CCBE1: variants seen among roughly 807,000 people sequenced by gnomAD.
CCBE1 encodes collagen and calcium-binding EGF domain-containing protein 1.
In CCBE1, 37 loss-of-function variants were observed where a neutral mutation model predicts 50.0. The observed-to-expected ratio is 0.74, with a 90% CI of 0.57 to 0.97. The LOEUF is 0.97. Ranked by LOEUF, CCBE1 falls within the 50% of genes least tolerant of loss-of-function variation. The pLI, the probability that CCBE1 is intolerant of heterozygous loss-of-function variation, is 0.00. For synonymous variants in CCBE1, 234 were observed against 203.7 expected (o/e 1.15, Z -1.27); for missense variants, 538 against 523.8 (o/e 1.03, Z -0.26).
rs1183110770 is a variant in CCBE1 at position 59,688,757 on chromosome 18, T to C, written c.212+7872A>G. ...AGTTCCAGCTCAACAAAAACTATGA[T>C]TCCTGGAGATCAGAAAACCAAGTGA... On this transcript the variant is annotated intron_variant, in intron 2 of 10. Transcript: ENST00000439986. Among the ~76,000 whole-genome samples the C allele has an allele frequency of 2.6e-5, 4 of 152,214 alleles. 1 individual carries two copies. The South Asian group carries it at 6.2e-4, about 24-fold the overall frequency.
intron 2 of CCBE1, among the ~76,000 whole-genome samples, chr18:59,664,589 G>T (rs2054327520): frequency 6.6e-6 from 1 of 152,184 alleles, no homozygotes; most frequent in African/African-American, 2.4e-5. Flanking sequence ...AAACCCTTTA[G>T]TCATGTCCAC....
At chr18:59,656,557 C>T (rs193232514) in intron 2 of CCBE1, among the ~76,000 whole-genome samples, 275 of 152,286 alleles carry the variant, frequency 1.8e-3, no homozygotes, top group African/African-American at 6.4e-3. Context: ...TTAAGGACGC[C>T]ACTCTGAGAA....
chr18:59,584,328 C>T lies in CCBE1; in HGVS notation c.213-104090G>A, dbSNP rs532055088. Among the ~76,000 whole-genome samples the T allele has an allele frequency of 4.4e-5, 6 of 135,420 alleles. No homozygotes were observed. In the East Asian group the frequency reaches 1.3e-3, roughly 30 times the overall value. The allele number at this position is 135,420 out of a possible 152,430, so 88.8% of individuals were successfully genotyped here. A position where few individuals can be genotyped will look rare whatever the true frequency, so the allele number is the denominator to read the frequency against. Reference sequence around the variant, plus strand: ...GAACACATGGACACAGGAAAGGGAACATCACACTCTGGGGACTGTTGTGGG... The same window carrying T: ...GAACACATGGACACAGGAAAGGGAATATCACACTCTGGGGACTGTTGTGGG... On this transcript the variant is annotated intron_variant, in intron 2 of 10. Transcript: ENST00000439986.
chr18:59,551,990 A>C (rs72966142), intron 2 of CCBE1, among the ~76,000 whole-genome samples: 12,349 of 152,254 alleles, frequency 0.081, 520 homozygotes, highest in Admixed American at 0.11. Flanking sequence ...TGGGCAACGC[A>C]CGCCTTGGCC....
intron 2 of CCBE1, among the ~76,000 whole-genome samples, chr18:59,565,611 G>A (rs2052811725): frequency 6.6e-6 from 1 of 152,036 alleles, no homozygotes; most frequent in Admixed American, 6.5e-5. Context: ...TGAACCTATG[G>A]GACACCTCAT....
At chr18:59,472,893 G>A (rs979440189) in intron 3 of CCBE1, among the ~76,000 whole-genome samples, 1 of 152,198 alleles carries the variant, frequency 6.6e-6, no homozygotes, top group African/African-American at 2.4e-5. Context: ...TTACATGGTG[G>A]CAGACAAGAG....
intron 2 of CCBE1, among the ~76,000 whole-genome samples, chr18:59,642,175 C>G (rs2053999342): frequency 6.6e-6 from 1 of 152,048 alleles, no homozygotes; most frequent in African/African-American, 2.4e-5. Context: ...GAAAAACAAT[C>G]TGATAGAGAA....
At chr18:59,644,131 G>A (rs1458296767) in intron 2 of CCBE1, among the ~76,000 whole-genome samples, 1 of 152,166 alleles carries the variant, frequency 6.6e-6, no homozygotes, top group Non-Finnish European at 1.5e-5. Context: ...AGATCATGAG[G>A]CATTTATTAG....
At chr18:59,477,487 T>C (rs1912363355) in intron 3 of CCBE1, among the ~76,000 whole-genome samples, 1 of 152,108 alleles carries the variant, frequency 6.6e-6, no homozygotes, top group South Asian at 2.1e-4. Flanking sequence ...AAAAAAGCCC[T>C]GTAAATTGTC....
intron 2 of CCBE1, among the ~76,000 whole-genome samples, chr18:59,656,705 T>A (rs1048640452): frequency 1.2e-4 from 18 of 152,166 alleles, no homozygotes; most frequent in African/African-American, 3.9e-4. Context: ...AGTGATAGAG[T>A]TGTAAACACA....
chr18:59,529,733 T>C (rs1418728911), intron 2 of CCBE1, among the ~76,000 whole-genome samples: 1 of 152,016 alleles, frequency 6.6e-6, no homozygotes, highest in East Asian at 1.9e-4. Flanking sequence ...TGGTGCAGGA[T>C]TCACTCACAG....
chr18:59,642,807 G>A (rs1321199254), intron 2 of CCBE1, among the ~76,000 whole-genome samples: 6 of 152,004 alleles, frequency 3.9e-5, no homozygotes, highest in Non-Finnish European at 8.8e-5. Context: ...AAATTAGCCA[G>A]GCGTGATGGT....
Position 59,584,603 on chromosome 18 carries a change from A to C in CCBE1, c.213-104365T>G, listed in dbSNP as rs188319934. Among the ~76,000 whole-genome samples the C allele has an allele frequency of 1.9e-3, 288 of 152,238 alleles. 1 individual carries two copies. Among genetic ancestry groups the C allele is most frequent in the Middle Eastern group, 0.01 (3 of 292 alleles). On this transcript the variant is annotated intron_variant, in intron 2 of 10. Coordinates refer to ENST00000439986, the MANE Select transcript of CCBE1 (RefSeq NM_133459.4). Reference sequence around the variant, plus strand: ...TCCAATGGTTTAGCTCCATTCCCCTAGTGCTGGTCTTGTGATAGAGTTCTT... The same window carrying C: ...TCCAATGGTTTAGCTCCATTCCCCTCGTGCTGGTCTTGTGATAGAGTTCTT...
At chr18:59,588,241 A>T (rs1428637791) in intron 2 of CCBE1, among the ~76,000 whole-genome samples, 1 of 152,190 alleles carries the variant, frequency 6.6e-6, no homozygotes, top group East Asian at 1.9e-4. Flanking sequence ...ACATGTGTGC[A>T]GACCACATAA....
At chr18:59,539,206 A>AAC (rs397950571) in intron 2 of CCBE1, among the ~76,000 whole-genome samples, 8 of 147,752 alleles carry the variant, frequency 5.4e-5, no homozygotes, top group Non-Finnish European at 1.0e-4. Context: ...CACACAAAAA[A>AAC]CAAAAAAAAA....
At chr18:59,691,959 T>C (rs558784421) in intron 2 of CCBE1, among the ~76,000 whole-genome samples, 1 of 150,208 alleles carries the variant, frequency 6.7e-6, no homozygotes, top group African/African-American at 2.4e-5. Flanking sequence ...GTTCAGGCTA[T>C]GCCTTCCACT....
chr18:59,468,101 CAG>C (rs1911838798), intron 4 of CCBE1, among the ~76,000 whole-genome samples: 1 of 152,188 alleles, frequency 6.6e-6, no homozygotes, highest in Non-Finnish European at 1.5e-5. Flanking sequence ...ACAAAAAGAA[CAG>C]GGGGCTGGGT....
chr18:59,530,829 ATCT>A (rs1393404166), intron 2 of CCBE1, among the ~76,000 whole-genome samples: 2 of 152,264 alleles, frequency 1.3e-5, no homozygotes, highest in Non-Finnish European at 2.9e-5. Flanking sequence ...TTTCTTAAAT[ATCT>A]TATTAATCAA....
At position 59,501,846 on chromosome 18, in the gene CCBE1, G is replaced by A. The variant is rs142019038; in HGVS notation, c.213-21608C>T. 9.0e-3 allele frequency among the ~76,000 whole-genome samples: 1,375 copies of A among 152,172 alleles called. 13 individuals are homozygous for A. The highest frequency in any genetic ancestry group is 0.028 in the African/African-American group (1,146 of 41,512). On this transcript the variant is annotated intron_variant, in intron 2 of 10. Coordinates refer to ENST00000439986, the MANE Select transcript of CCBE1 (RefSeq NM_133459.4). ...TTTTGAGACAGGGTCTCACTCTGTC[G>A]CCCAGGCTGGAGTGCAGTGGTACAA...
Sources: allele counts gnomAD v4.1 joint callset (sites outside exome capture counted in the v4.1 genomes callset), GRCh38; gene constraint gnomAD v4.1.1; transcripts MANE v1.5; gene names NCBI Gene and HGNC (gene_info 2026-07-23, HGNC 2026-07-21).